The following B4GALT1 variants were observed in gnomAD, a reference collection of about 807,000 sequenced individuals.
B4GALT1 encodes the protein beta-1,4-galactosyltransferase 1.
B4GALT1 carries 16 observed loss-of-function variants against 34.9 expected under a neutral mutation model. The ratio of observed to expected loss-of-function variants is 0.46; its 90% CI spans 0.31 to 0.70. The LOEUF is 0.70. Among genes scored for constraint, B4GALT1 ranks in the 30% least tolerant of loss-of-function variants. The pLI, the probability that B4GALT1 is intolerant of heterozygous loss-of-function variation, is 0.05. For missense variants in B4GALT1, 445 were observed against 530.5 expected (o/e 0.84, Z 1.58); for synonymous variants, 221 against 218.1 (o/e 1.01, Z -0.12).
chr9:33,156,585 G>T (rs1840597306), intron 1 of B4GALT1, among the ~76,000 whole-genome samples: 2 of 152,180 alleles, frequency 1.3e-5, no homozygotes, highest in African/African-American at 4.8e-5. Flanking sequence ...ATTCATATTT[G>T]CAGACTTTGG....
intron 4 of B4GALT1, 127 bp from the exon 5 acceptor site, chr9:33,114,005 A>G (rs1246063417): frequency 1.3e-5 from 11 of 854,204 alleles, no homozygotes; most frequent in African/African-American, 6.6e-5. Flanking sequence ...ACAACCCAGC[A>G]TCATGCCAGA....
chr9:33,133,847 G>A (rs1425380067), intron 2 of B4GALT1, among the ~76,000 whole-genome samples: 1 of 152,106 alleles, frequency 6.6e-6, no homozygotes, highest in Non-Finnish European at 1.5e-5. Context: ...TACCCCAGTG[G>A]GCATCTCAAT....
At position 33,113,191 on chromosome 9, in the gene B4GALT1, T is replaced by C. The variant is rs1839888600; in HGVS notation, c.*263A>G. ...CCAAATTTTGGGATGTGTACAGTTCTGACTCTGGGGTGACACTGCGAACAC... is the reference window on the plus strand; with the variant it reads ...CCAAATTTTGGGATGTGTACAGTTCCGACTCTGGGGTGACACTGCGAACAC... On this transcript the variant is annotated 3_prime_UTR_variant, in exon 6 of 6. Transcript: ENST00000379731. 2 of 531,430 alleles carry C rather than the reference T, an allele frequency of 3.8e-6. No homozygotes were observed. The highest frequency in any genetic ancestry group is 6.8e-6 in the Non-Finnish European group (2 of 292,910). The allele number at this position is 531,430 out of a possible 1,614,324, so 32.9% of individuals were successfully genotyped here. A position where few individuals can be genotyped will look rare whatever the true frequency, so the allele number is the denominator to read the frequency against.
chr9:33,172,187 T>C (rs998261808), upstream of B4GALT1, among the ~76,000 whole-genome samples: 2 of 152,148 alleles, frequency 1.3e-5, no homozygotes, highest in Non-Finnish European at 2.9e-5. Flanking sequence ...AATCTCCCTG[T>C]GGTGACTTTA....
At chr9:33,168,972 C>T (rs1291160626), upstream of B4GALT1, among the ~76,000 whole-genome samples, 1 of 152,200 alleles carries the variant, frequency 6.6e-6, no homozygotes, top group Non-Finnish European at 1.5e-5. Flanking sequence ...ATGTGCTTCT[C>T]TTGCTCTCAA....
intron 1 of B4GALT1, among the ~76,000 whole-genome samples, chr9:33,154,017 G>A (rs1283180643): frequency 5.5e-5 from 6 of 108,296 alleles, no homozygotes; most frequent in African/African-American, 2.2e-4. Context: ...GAGAGAGAGA[G>A]AGAGGAAGGA....
chr9:33,154,485 G>C (rs1330302785), intron 1 of B4GALT1, among the ~76,000 whole-genome samples: 3 of 152,168 alleles, frequency 2.0e-5, no homozygotes, highest in African/African-American at 7.2e-5. Context: ...TTCTAACGGG[G>C]CATTTAGGCA....
intron 1 of B4GALT1, among the ~76,000 whole-genome samples, chr9:33,141,015 A>C (rs1021623963): frequency 6.6e-6 from 1 of 152,180 alleles, no homozygotes; most frequent in Admixed American, 6.5e-5. Flanking sequence ...CTTAGCTCAA[A>C]CACCACCCTC....
rs114738001 is a variant in B4GALT1, at chr9:33,151,806, G to C, written c.412+14952C>G. Among the ~76,000 whole-genome samples, 1,505 of 152,286 alleles carry C rather than the reference G, an allele frequency of 9.9e-3. 23 individuals are homozygous for C. Among genetic ancestry groups the C allele is most frequent in the African/African-American group, 0.034 (1,414 of 41,554 alleles). Reference sequence around the variant, plus strand: ...TGGAGGAAAACTCTGGGACCTTAAAGGGTCCCTGGAGTATTACATAAAGCT... The same window carrying C: ...TGGAGGAAAACTCTGGGACCTTAAACGGTCCCTGGAGTATTACATAAAGCT... On this transcript the variant is annotated intron_variant, in intron 1 of 5. Transcript: ENST00000379731.
chr9:33,171,775 G>A (rs989747305), upstream of B4GALT1, among the ~76,000 whole-genome samples: 2 of 152,096 alleles, frequency 1.3e-5, no homozygotes, highest in Admixed American at 6.5e-5. Context: ...GGCTAGTCTC[G>A]AACTCCTGAG....
At chr9:33,119,476 G>C (rs1029104293) in intron 3 of B4GALT1, among the ~76,000 whole-genome samples, 1 of 152,212 alleles carries the variant, frequency 6.6e-6, no homozygotes, top group Non-Finnish European at 1.5e-5. Context: ...CAATGCTTTG[G>C]AAGGCTGAGG....
chr9:33,114,188 G>A (rs182955905), intron 4 of B4GALT1, among the ~76,000 whole-genome samples: 1 of 152,384 alleles, frequency 6.6e-6, no homozygotes, highest in East Asian at 1.9e-4. Flanking sequence ...CAGGATGGAG[G>A]TGAGAAGAGG....
downstream of B4GALT1, among the ~76,000 whole-genome samples, chr9:33,109,294 G>A (rs961574965): frequency 6.6e-6 from 1 of 152,212 alleles, no homozygotes; most frequent in Admixed American, 6.5e-5. Context: ...GGAGGGTGGA[G>A]CCCCTGGAGA....
intron 1 of B4GALT1, among the ~76,000 whole-genome samples, chr9:33,160,149 G>T (rs183252364): frequency 1.1e-3 from 161 of 152,312 alleles, no homozygotes; most frequent in African/African-American, 3.7e-3. Flanking sequence ...TGAAAATCTA[G>T]CCCTTCTCAA....
rs561907702 is a variant in B4GALT1, at chr9:33,136,281, AG to A, written c.413-858del. On this transcript the variant is annotated intron_variant, in intron 1 of 5. Coordinates refer to ENST00000379731, the MANE Select transcript of B4GALT1 (RefSeq NM_001497.4). ...GCTTGCCTCAGAAGAAAAATGGATG[AG>A]GTGCAGATTGTGGATTGTGAGGTAA... Among the ~76,000 whole-genome samples, 8 of 152,256 alleles carry A rather than the reference AG, an allele frequency of 5.3e-5. 1 individual carries two copies. The South Asian group carries it at 1.7e-3, about 32-fold the overall frequency.
At chr9:33,181,219 A>G in the B4GALT1 span, among the ~76,000 whole-genome samples, 1 of 152,164 alleles carries the variant, frequency 6.6e-6, no homozygotes, top group Non-Finnish European at 1.5e-5. Flanking sequence ...CAGGAGTTCA[A>G]GATTAGCCTG....
rs371027641 is a variant in B4GALT1, at chr9:33,157,063, T to TACACACACACACACACACACACAC, written c.412+9671_412+9694dup. Among the ~76,000 whole-genome samples the TACACACACACACACACACACACAC allele has an allele frequency of 8.5e-3, 741 of 87,296 alleles. 64 individuals carry two copies. The highest frequency in any genetic ancestry group is 0.018 in the East Asian group (34 of 1,870). 57.3% of individuals were successfully genotyped at this position (87,296 alleles called of 152,430 possible). ...CCACATGGTGTCCAGCATAGGGAACTACACACACACACACACACACACACA... is the reference window on the plus strand; with the variant it reads ...CCACATGGTGTCCAGCATAGGGAACTACACACACACACACACACACACACACACACACACACACACACACACACA... On this transcript the variant is annotated intron_variant, in intron 1 of 5. Transcript: ENST00000379731.
intron 2 of B4GALT1, among the ~76,000 whole-genome samples, chr9:33,129,569 G>C (rs1284610766): frequency 2.0e-5 from 3 of 152,234 alleles, no homozygotes; most frequent in Non-Finnish European, 2.9e-5. Context: ...TCCACTCACT[G>C]ACTGCGTCTG....
chr9:33,174,375 A>G, the B4GALT1 span: 9 of 152,250 alleles, frequency 5.9e-5, no homozygotes, highest in Non-Finnish European at 1.2e-4. Context: ...TTCTCTGGGC[A>G]TGGTGGCTCA....
Sources: gnomAD v4.1 joint callset for allele counts (sites outside exome capture counted in the v4.1 genomes callset) on GRCh38, gnomAD v4.1.1 for gene constraint, MANE v1.5 for transcripts, NCBI Gene and HGNC (gene_info 2026-07-23, HGNC 2026-07-21) for gene names.